Variants in TRPA1 observed in about 807,000 individuals in gnomAD.
TRPA1 encodes the protein ankyrin-like with transmembrane domains 1.
Under a neutral mutation model 131.3 loss-of-function variants are expected in TRPA1, and 129 were observed. That is an observed-to-expected ratio of 0.98 (90% CI 0.85 to 1.14). The LOEUF is 1.14. Among genes scored for constraint, TRPA1 ranks in the 50% most tolerant of loss-of-function variants. The pLI is 0.00. For missense variants in TRPA1, 1,304 were observed against 1,354.2 expected, an observed-to-expected ratio of 0.96 and a Z score of 0.58; for synonymous variants, 441 against 451.7, an observed-to-expected ratio of 0.98 and a Z score of 0.30.
intron 17 of TRPA1, among the ~76,000 whole-genome samples, chr8:72,040,296 T>C (rs1812209220): frequency 1.3e-5 from 2 of 152,124 alleles, no homozygotes; most frequent in South Asian, 4.1e-4. Flanking sequence ...ATAGAGGGAC[T>C]GATGCCAACA....
intron 7 of TRPA1, among the ~76,000 whole-genome samples, chr8:72,060,984 G>A (rs1473848192): frequency 1.3e-5 from 2 of 151,940 alleles, no homozygotes; most frequent in African/African-American, 4.8e-5. Context: ...GAGACCAAGA[G>A]AGTGAAGGCT....
chr8:72,062,164 A>T (rs993565017), intron 6 of TRPA1: 2 of 209,180 alleles, frequency 9.6e-6, no homozygotes, highest in African/African-American at 4.6e-5. Context: ...AATATAGAAA[A>T]AGTTAAAAGG....
intron 4 of TRPA1, among the ~76,000 whole-genome samples, 153 bp downstream of exon 4, chr8:72,065,298 C>A (rs1489592430): frequency 1.3e-5 from 2 of 152,084 alleles, no homozygotes; most frequent in Non-Finnish European, 2.9e-5. Flanking sequence ...AGTACATATA[C>A]AAAAACACAT....
chr8:72,047,929 A>G (rs1805388487), intron 15 of TRPA1, among the ~76,000 whole-genome samples: 1 of 152,074 alleles, frequency 6.6e-6, no homozygotes, highest in South Asian at 2.1e-4. Context: ...TCATCCCAGC[A>G]ATGGAGTCTT....
intron 7 of TRPA1, chr8:72,060,320 T>C (rs1025203297): frequency 6.6e-6 from 1 of 152,044 alleles, no homozygotes; most frequent in Non-Finnish European, 1.5e-5. Flanking sequence ...AGTTTTTTTC[T>C]TTAATTCCTG....
upstream of TRPA1, chr8:72,075,729 G>T: frequency 4.8e-6 from 2 of 414,854 alleles, no homozygotes; most frequent in South Asian, 2.1e-5. Context: ...AAAGTGACTC[G>T]CCCGTCCCGC....
chr8:72,050,806 A>G lies in TRPA1; in HGVS notation c.1877T>C (p.Met626Thr). 6.2e-7 allele frequency: 1 copy of G among 1,611,792 alleles called. No individual in the cohort carries two copies. The highest frequency in any genetic ancestry group is 8.5e-7 in the Non-Finnish European group (1 of 1,178,752). ...CATGCATTCAGGGAGGTATTCTATC[A>G]TTTCTGTAATTGGACATTTATTGCC... Reference protein sequence around the residue: ...SPGNKCPITEMIEYLPECMKV... With the variant: ...SPGNKCPITETIEYLPECMKV... The change falls in exon 15 of 27, where the codon ATG (methionine) becomes ACG (threonine). Residue 626 changes from methionine to threonine, a missense_variant. Met to Thr is a moderately conservative substitution (Grantham distance 81). Coordinates refer to ENST00000262209, the MANE Select transcript of TRPA1 (RefSeq NM_007332.3).
At chr8:72,051,670 G>A (rs1329323270) in intron 14 of TRPA1, among the ~76,000 whole-genome samples, 4 of 152,084 alleles carry the variant, frequency 2.6e-5, no homozygotes, top group Middle Eastern at 3.2e-3. Context: ...GAGATTGTTC[G>A]CTCTGTGTCC....
At chr8:72,057,414 G>A (rs1805696599) in intron 9 of TRPA1, among the ~76,000 whole-genome samples, 2 of 152,180 alleles carry the variant, frequency 1.3e-5, no homozygotes, top group African/African-American at 4.8e-5. Flanking sequence ...CACCACACAG[G>A]ACTGATACAT....
At chr8:72,033,909 T>C (rs747339003) in intron 22 of TRPA1, 83 bp from the exon 23 acceptor site, 8 of 1,330,654 alleles carry the variant, frequency 6.0e-6, no homozygotes, top group Non-Finnish European at 7.5e-6. Context: ...TGATAAAAAC[T>C]ATATTCAGAA....
At chr8:72,070,705 G>A (rs1040225567) in intron 2 of TRPA1, among the ~76,000 whole-genome samples, 2 of 152,030 alleles carry the variant, frequency 1.3e-5, no homozygotes, top group Non-Finnish European at 2.9e-5. Flanking sequence ...TCTTGATGTT[G>A]GTACTCTACT....
intron 3 of TRPA1, among the ~76,000 whole-genome samples, chr8:72,067,302 C>T (rs1805955452): frequency 2.0e-5 from 3 of 152,114 alleles, no homozygotes; most frequent in Non-Finnish European, 4.4e-5. Flanking sequence ...AAACCTTCTC[C>T]TCCTTCTATT....
At chr8:72,051,065 A>G (rs1231391615) in intron 14 of TRPA1, among the ~76,000 whole-genome samples, 194 bp from the exon 15 acceptor site, 1 of 152,196 alleles carries the variant, frequency 6.6e-6, no homozygotes, top group Non-Finnish European at 1.5e-5. Flanking sequence ...TTGCCCATTA[A>G]TGGACATTAG....
chr8:72,088,238 C>A, the TRPA1 span, among the ~76,000 whole-genome samples: 1 of 152,186 alleles, frequency 6.6e-6, no homozygotes, highest in African/African-American at 2.4e-5. Context: ...TCATGTTTTG[C>A]TTCAGTTTAA....
At chr8:72,060,024 C>G (rs753338697) in intron 7 of TRPA1, among the ~76,000 whole-genome samples, 7 of 152,054 alleles carry the variant, frequency 4.6e-5, no homozygotes, top group Non-Finnish European at 1.0e-4. Flanking sequence ...TGTTTCCTAT[C>G]GCAAATCTCA....
chr8:72,052,863 A>G, intron 13 of TRPA1, 98 bp from the exon 14 acceptor site: 1 of 1,356,600 alleles, frequency 7.4e-7, no homozygotes, highest in Non-Finnish European at 1.0e-6. Flanking sequence ...ACACTATTTA[A>G]TACCAAAATA....
chr8:72,049,862 A>G (rs1361481363), intron 15 of TRPA1, among the ~76,000 whole-genome samples: 2 of 152,238 alleles, frequency 1.3e-5, no homozygotes, highest in African/African-American at 2.4e-5. Flanking sequence ...AAGCAATTGC[A>G]TAAGAATGAC....
rs1386935595 is a variant in TRPA1, at chr8:72,061,817, CTT to C, written c.808-58_808-57del. On this transcript the variant is annotated intron_variant, in intron 6 of 26. Coordinates refer to ENST00000262209, the MANE Select transcript of TRPA1 (RefSeq NM_007332.3). ...TTTAAATCTCAATGAAAGAATATAA[CTT>C]ATATTCAGCTGTGAGCTTTTTCTTC... The C allele has an allele frequency of 1.3e-5, 21 of 1,560,358 alleles. No homozygotes were observed. In the South Asian group the frequency reaches 2.4e-4, roughly 17 times the overall value.
At chr8:72,072,290 AAAGCTATC>A (rs1214332115) in intron 1 of TRPA1, among the ~76,000 whole-genome samples, 4 of 152,220 alleles carry the variant, frequency 2.6e-5, no homozygotes, top group African/African-American at 9.6e-5. Flanking sequence ...ACTGAAAAGA[AAAGCTATC>A]AGTGAAAATG....
Sources: gnomAD v4.1 joint callset for allele counts (sites outside exome capture counted in the v4.1 genomes callset) on GRCh38, gnomAD v4.1.1 for gene constraint, MANE v1.5 for transcripts, NCBI Gene and HGNC (gene_info 2026-07-23, HGNC 2026-07-21) for gene names.